NEGR1: variants seen among roughly 807,000 people sequenced by gnomAD.
The protein encoded by NEGR1 is neuronal growth regulator 1.
NEGR1 carries 10 observed loss-of-function variants against 40.9 expected under a neutral mutation model. That is an observed-to-expected ratio of 0.24 (90% CI 0.15 to 0.42). The LOEUF (loss-of-function observed/expected upper bound fraction) is 0.42. Ranked by LOEUF, NEGR1 falls within the 10% of genes least tolerant of loss-of-function variation. NEGR1 has a pLI of 1.00. For synonymous variants in NEGR1, 185 were observed against 166.8 expected (o/e 1.11, Z -0.84); for missense variants, 352 against 438.9 (o/e 0.80, Z 1.77).
At chr1:71,866,202 T>C (rs1660108424) in intron 2 of NEGR1, among the ~76,000 whole-genome samples, 1 of 152,030 alleles carries the variant, frequency 6.6e-6, no homozygotes, top group African/African-American at 2.4e-5. Context: ...AAAAAACTAC[T>C]TGAATAATTT....
intron 6 of NEGR1, among the ~76,000 whole-genome samples, chr1:71,547,095 G>T (rs1425445029): frequency 6.6e-6 from 1 of 151,700 alleles, no homozygotes; most frequent in Non-Finnish European, 1.5e-5. Context: ...TGAACTGGGG[G>T]ACAATTGTGT....
chr1:71,667,594 T>C (rs921220737), intron 4 of NEGR1, among the ~76,000 whole-genome samples: 3 of 152,020 alleles, frequency 2.0e-5, no homozygotes, highest in African/African-American at 4.8e-5. Context: ...TTAAAGAAAA[T>C]AGTCTTTTAC....
At chr1:71,636,256 G>A (rs190020884) in intron 4 of NEGR1, among the ~76,000 whole-genome samples, 7 of 152,260 alleles carry the variant, frequency 4.6e-5, no homozygotes, top group Non-Finnish European at 1.5e-5. Flanking sequence ...TCCAAGAGAT[G>A]TGAAGAAAAT....
At chr1:72,111,083 TATACACACACACAC>T in intron 1 of NEGR1, among the ~76,000 whole-genome samples, 1 of 90,454 alleles carries the variant, frequency 1.1e-5, no homozygotes, top group Non-Finnish European at 2.8e-5. Flanking sequence ...CATATATATA[TATACACACACACAC>T]ACACACACAC....
At chr1:72,197,480 T>C (rs1433478854) in intron 1 of NEGR1, among the ~76,000 whole-genome samples, 1 of 152,018 alleles carries the variant, frequency 6.6e-6, no homozygotes, top group Non-Finnish European at 1.5e-5. Context: ...ATCTCTATAA[T>C]AAATGAACTA....
intron 1 of NEGR1, among the ~76,000 whole-genome samples, chr1:72,000,484 CTT>C (rs1646547615): frequency 6.6e-6 from 1 of 152,022 alleles, no homozygotes; most frequent in Admixed American, 6.5e-5. Context: ...ATGCTATACT[CTT>C]TACCAAAAAT....
intron 1 of NEGR1, among the ~76,000 whole-genome samples, chr1:71,994,259 T>C (rs1279705197): frequency 1.3e-5 from 2 of 152,122 alleles, no homozygotes; most frequent in African/African-American, 4.8e-5. Flanking sequence ...CCTGGTGTGG[T>C]GGCTCACGCC....
chr1:71,710,281 T>A (rs1654035517), intron 3 of NEGR1, among the ~76,000 whole-genome samples: 1 of 152,094 alleles, frequency 6.6e-6, no homozygotes, highest in Non-Finnish European at 1.5e-5. Context: ...CTGTTGGAAA[T>A]GTAAATTAGT....
chr1:71,558,307 T>G (rs143801194), intron 6 of NEGR1, among the ~76,000 whole-genome samples: 24 of 151,718 alleles, frequency 1.6e-4, no homozygotes, highest in African/African-American at 5.8e-4. Context: ...CCATAGCAAT[T>G]AAAACATATT....
chr1:71,422,382 T>A (rs1270745909), intron 6 of NEGR1: 1 of 152,216 alleles, frequency 6.6e-6, no homozygotes, highest in Non-Finnish European at 1.5e-5. Context: ...ATTTGTATGG[T>A]TCAGAATGTT....
chr1:71,619,118 G>C (rs1221760014), intron 4 of NEGR1, among the ~76,000 whole-genome samples: 2 of 152,088 alleles, frequency 1.3e-5, no homozygotes, highest in African/African-American at 4.8e-5. Flanking sequence ...AGATGTACCT[G>C]ACAAAAATTA....
intron 4 of NEGR1, among the ~76,000 whole-genome samples, chr1:71,658,917 T>C (rs1204884545): frequency 6.6e-6 from 1 of 152,174 alleles, no homozygotes; most frequent in Non-Finnish European, 1.5e-5. Flanking sequence ...GGAGTTTCAG[T>C]TGAAAAGGAA....
intron 6 of NEGR1, among the ~76,000 whole-genome samples, chr1:71,437,854 T>C (rs892068729): frequency 9.9e-5 from 15 of 152,076 alleles, no homozygotes; most frequent in Admixed American, 8.5e-4. Flanking sequence ...AGGTCAGACA[T>C]TGAGAAAAAG....
intron 4 of NEGR1, among the ~76,000 whole-genome samples, chr1:71,624,445 A>G (rs1300957262): frequency 1.3e-5 from 2 of 151,910 alleles, no homozygotes; most frequent in East Asian, 1.9e-4. Flanking sequence ...GCTACACACA[A>G]CTATGCTTCA....
intron 3 of NEGR1, among the ~76,000 whole-genome samples, chr1:71,762,291 A>G (rs1655973995): frequency 6.6e-6 from 1 of 151,742 alleles, no homozygotes; most frequent in South Asian, 2.1e-4. Flanking sequence ...AAAAGAAAAA[A>G]GAAAAAGTCA....
intron 2 of NEGR1, among the ~76,000 whole-genome samples, chr1:71,829,990 T>G: frequency 6.6e-6 from 1 of 151,984 alleles, no homozygotes; most frequent in Admixed American, 6.6e-5. Context: ...TCCTTTCCTC[T>G]GGTCTAATCT....
At chr1:71,663,043 G>A (rs916739810) in intron 4 of NEGR1, among the ~76,000 whole-genome samples, 6 of 151,648 alleles carry the variant, frequency 4.0e-5, no homozygotes, top group African/African-American at 1.2e-4. Context: ...TGCAAGCTCC[G>A]TCTCCCGGGT....
chr1:72,077,926 T>C (rs1264810551), intron 1 of NEGR1, among the ~76,000 whole-genome samples: 1 of 152,164 alleles, frequency 6.6e-6, no homozygotes, highest in African/African-American at 2.4e-5. Context: ...AAAGCATCAA[T>C]TGATTTGTAT....
At chr1:72,153,169 GAAGT>G (rs748798887) in intron 1 of NEGR1, among the ~76,000 whole-genome samples, 21 of 151,736 alleles carry the variant, frequency 1.4e-4, no homozygotes, top group African/African-American at 4.3e-4. Flanking sequence ...TCCAACTTAA[GAAGT>G]AAGAAAACAA....
Sources: allele counts gnomAD v4.1 joint callset (sites outside exome capture counted in the v4.1 genomes callset), GRCh38; gene constraint gnomAD v4.1.1; transcripts MANE v1.5; gene names NCBI Gene and HGNC (gene_info 2026-07-23, HGNC 2026-07-21).